The following PAPPA2 variants were observed in gnomAD, a reference collection of about 807,000 sequenced individuals.
PAPPA2 encodes the protein pappalysin 2.
Under a neutral mutation model 176.4 loss-of-function variants are expected in PAPPA2, and 86 were observed. That is an observed-to-expected ratio of 0.49 (90% CI 0.41 to 0.58). PAPPA2 has a LOEUF of 0.58. PAPPA2 is among the 20% of genes least tolerant of loss of function. The probability of loss-of-function intolerance (pLI) is 0.00; values close to 1 mark genes in which losing one functional copy is unlikely to be tolerated. For synonymous variants in PAPPA2, 809 were observed against 852.2 expected, an observed-to-expected ratio of 0.95 and a Z score of 0.88; for missense variants, 2,073 against 2,256.9, an observed-to-expected ratio of 0.92 and a Z score of 1.65.
intron 2 of PAPPA2, among the ~76,000 whole-genome samples, chr1:176,575,999 T>C (rs1168366569): frequency 6.6e-6 from 1 of 152,208 alleles, no homozygotes; most frequent in African/African-American, 2.4e-5. Context: ...AGTATTCCAT[T>C]GTTCAGATGG....
intron 14 of PAPPA2, among the ~76,000 whole-genome samples, chr1:176,763,421 T>C (rs1298278464): frequency 6.6e-6 from 1 of 152,216 alleles, no homozygotes; most frequent in African/African-American, 2.4e-5. Flanking sequence ...AGCAAGATGG[T>C]TGAATCAGTG....
intron 17 of PAPPA2, among the ~76,000 whole-genome samples, chr1:176,785,052 A>T (rs1382590419): frequency 6.6e-6 from 1 of 152,170 alleles, no homozygotes; most frequent in African/African-American, 2.4e-5. Flanking sequence ...GGATTTCACC[A>T]TATGAGTTTG....
At chr1:176,703,783 G>A (rs1005897933) in intron 9 of PAPPA2, among the ~76,000 whole-genome samples, 1 of 152,186 alleles carries the variant, frequency 6.6e-6, no homozygotes, top group African/African-American at 2.4e-5. Context: ...GATAATATGT[G>A]GAAGCCATTG....
At chr1:176,599,308 A>G (rs1213196194) in intron 3 of PAPPA2, among the ~76,000 whole-genome samples, 2 of 151,802 alleles carry the variant, frequency 1.3e-5, no homozygotes, top group Non-Finnish European at 2.9e-5. Flanking sequence ...ATTGCCTTTT[A>G]TTGTTCTTTT....
At chr1:176,616,218 A>G (rs1573132253) in intron 3 of PAPPA2, 1 of 429,998 alleles carries the variant, frequency 2.3e-6, no homozygotes, top group East Asian at 5.3e-5. Context: ...TGTATAACAA[A>G]TTAGGTCCTA....
At chr1:176,711,768 G>C (rs1661156112) in intron 11 of PAPPA2, 67 bp from the exon 12 acceptor site, 4 of 1,513,634 alleles carry the variant, frequency 2.6e-6, no homozygotes, top group Non-Finnish European at 3.6e-6. Context: ...GAGCTGGAGA[G>C]TTTCATTGTC....
At chr1:176,829,851 G>A (rs1450818177) in intron 21 of PAPPA2, among the ~76,000 whole-genome samples, 1 of 152,244 alleles carries the variant, frequency 6.6e-6, no homozygotes, top group Non-Finnish European at 1.5e-5. Context: ...CTAGAGAGGT[G>A]ACCAGAGAAA....
intron 13 of PAPPA2, 45 bp downstream of exon 13, chr1:176,739,806 G>T: frequency 6.2e-7 from 1 of 1,604,016 alleles, no homozygotes. Flanking sequence ...AGGACAACCC[G>T]GTAGACCCAG....
intron 14 of PAPPA2, among the ~76,000 whole-genome samples, chr1:176,749,812 T>G (rs1378623610): frequency 6.6e-6 from 1 of 152,242 alleles, no homozygotes. Context: ...ATAGCTCATT[T>G]CTTTTTATCA....
At chr1:176,634,850 A>G (rs1379351586) in intron 3 of PAPPA2, among the ~76,000 whole-genome samples, 2 of 136,158 alleles carry the variant, frequency 1.5e-5, no homozygotes, top group Admixed American at 7.3e-5. Context: ...AGATAGATAC[A>G]TAGATACATA....
chr1:176,831,376 C>T (rs1667073297), intron 21 of PAPPA2, among the ~76,000 whole-genome samples: 1 of 152,200 alleles, frequency 6.6e-6, no homozygotes, highest in Non-Finnish European at 1.5e-5. Flanking sequence ...AAAAACTTCA[C>T]AGAAGTGCTG....
intron 21 of PAPPA2, 91 bp downstream of exon 21, chr1:176,800,223 C>T: frequency 8.3e-7 from 1 of 1,205,564 alleles, no homozygotes; most frequent in Non-Finnish European, 1.2e-6. Context: ...AGGACCTGGT[C>T]CCTCTCCTAT....
chr1:176,671,659 C>G (rs1017767408), intron 4 of PAPPA2, among the ~76,000 whole-genome samples: 1 of 151,982 alleles, frequency 6.6e-6, no homozygotes, highest in East Asian at 1.9e-4. Flanking sequence ...TTGGAATCAA[C>G]CCAAATGTCC....
At chr1:176,685,873 T>C (rs548141679) in intron 4 of PAPPA2, among the ~76,000 whole-genome samples, 1 of 152,344 alleles carries the variant, frequency 6.6e-6, no homozygotes, top group South Asian at 2.1e-4. Context: ...TACATGTGTA[T>C]TTGTAACTTT....
chr1:176,647,417 T>C (rs184233801), intron 3 of PAPPA2, among the ~76,000 whole-genome samples: 1 of 151,870 alleles, frequency 6.6e-6, no homozygotes, highest in Non-Finnish European at 1.5e-5. Flanking sequence ...TTTCACTTGA[T>C]ATGATCTCAT....
rs938547002 is a variant in PAPPA2 at position 176,674,930 on chromosome 1, T to A, written c.2137+3815T>A. Among the ~76,000 whole-genome samples the A allele has an allele frequency of 5.9e-5, 9 of 151,992 alleles. 1 individual carries two copies. The highest frequency in any genetic ancestry group is 2.2e-4 in the African/African-American group (9 of 41,402). ...GTGTTCCCTTTTCACCACAGCCACA[T>A]CAACATCTATTATTTTTTGATTTTT... On this transcript the variant is annotated intron_variant, in intron 4 of 22. Transcript: ENST00000367662.
intron 4 of PAPPA2, among the ~76,000 whole-genome samples, chr1:176,674,541 T>G (rs1659181597): frequency 6.6e-6 from 1 of 152,132 alleles, no homozygotes; most frequent in African/African-American, 2.4e-5. Context: ...GTTACTTCAC[T>G]TAGAATAATG....
intron 17 of PAPPA2, among the ~76,000 whole-genome samples, chr1:176,772,270 A>G (rs925161818): frequency 4.6e-5 from 7 of 152,230 alleles, no homozygotes; most frequent in African/African-American, 1.7e-4. Context: ...AGAGAAAACC[A>G]AATCTGTTTC....
chr1:176,623,385 G>T (rs1398424530), intron 3 of PAPPA2, among the ~76,000 whole-genome samples: 1 of 152,178 alleles, frequency 6.6e-6, no homozygotes, highest in Non-Finnish European at 1.5e-5. Context: ...TCATTGGGAA[G>T]TAAAGAGTTT....
Sources: gnomAD v4.1 joint callset for allele counts (sites outside exome capture counted in the v4.1 genomes callset) on GRCh38, gnomAD v4.1.1 for gene constraint, MANE v1.5 for transcripts, NCBI Gene and HGNC (gene_info 2026-07-23, HGNC 2026-07-21) for gene names.